Variants in SST observed in about 807,000 individuals in gnomAD.
SST encodes somatostatin, also known as growth hormone release-inhibiting factor.
Under a neutral mutation model 10.4 loss-of-function variants are expected in SST, and 7 were observed. That is an observed-to-expected ratio of 0.67 (90% CI 0.38 to 1.26). SST has a LOEUF of 1.26. Among genes scored for constraint, SST ranks in the 50% most tolerant of loss-of-function variants. SST has a pLI of 0.02. For synonymous variants in SST, 63 were observed against 63.9 expected, an observed-to-expected ratio of 0.99 and a Z score of 0.07; for missense variants, 145 against 140.8, an observed-to-expected ratio of 1.03 and a Z score of -0.15.
At position 187,670,208 on chromosome 3, in the gene SST, G is replaced by T; in HGVS notation, c.84C>A (p.Asp28Glu). The T allele has an allele frequency of 6.3e-7, 1 of 1,595,598 alleles. No homozygotes were observed. Among genetic ancestry groups the T allele is most frequent in the Non-Finnish European group, 8.5e-7 (1 of 1,171,228 alleles). ...ALGCVTGAPS[D>E]PRLRQFLQKS... Reference sequence around the variant, plus strand: ...TCTGCAGAAACTGACGGAGTCTGGGGTCCGAGGGAGCGCCGGTGACACAGC... The same window carrying T: ...TCTGCAGAAACTGACGGAGTCTGGGTTCCGAGGGAGCGCCGGTGACACAGC... Residue 28 changes from aspartate (D) to glutamate (E), a missense_variant, in exon 1 of 2, where the codon GAC becomes GAA. Physicochemically the swap from Asp to Glu is conservative, Grantham distance 45 (BLOSUM62 2). Coordinates refer to ENST00000287641, the MANE Select transcript of SST (RefSeq NM_001048.4).
In SST at chr3:187,668,989, G is replaced by T; in HGVS notation, c.*76C>A. 3.7e-6 allele frequency: 5 copies of T among 1,359,034 alleles called. No homozygotes were observed. The highest frequency in any genetic ancestry group is 5.3e-6 in the Non-Finnish European group (5 of 951,054). The allele number at this position is 1,359,034 out of a possible 1,614,324, so 84.2% of individuals were successfully genotyped here. ...AATGCAAGGGTCTCGCTGAAGACTT[G>T]GAGGATTAGGGAAGAGAGATGGGGT... On this transcript the variant is annotated 3_prime_UTR_variant, in exon 2 of 2. Transcript: ENST00000287641.
In SST at chr3:187,670,137, C is replaced by T. The variant is rs1579766336; in HGVS notation, c.138+17G>A. ...GAGGGCTGGAGAATCCGGGAGACGT[C>T]GAGGGAGTCTCCTTACCTGCTTCCC... On this transcript the variant is annotated intron_variant, in intron 1 of 1. Transcript: ENST00000287641. The T allele has an allele frequency of 7.0e-6, 11 of 1,576,716 alleles. No individual in the cohort carries two copies. The East Asian group carries it at 2.6e-4, about 37-fold the overall frequency.
chr3:187,669,371 G>A, intron 1 of SST, 94 bp from the exon 2 acceptor site: 1 of 1,250,832 alleles, frequency 8.0e-7, no homozygotes, highest in Non-Finnish European at 1.1e-6. Context: ...AACAGATTTG[G>A]TCACACACAA....
chr3:187,668,951 G>C lies in SST; in HGVS notation c.*114C>G. 1.1e-6 allele frequency: 1 copy of C among 948,986 alleles called. No homozygotes were observed. The highest frequency in any genetic ancestry group is 1.6e-6 in the Non-Finnish European group (1 of 606,224). The allele number at this position is 948,986 out of a possible 1,614,324, so 58.8% of individuals were successfully genotyped here. Reference sequence around the variant, plus strand: ...ACCATAATTTTATTTTGTATTTACAGTTTTCAGTTTCTAATGCAAGGGTCT... The same window carrying C: ...ACCATAATTTTATTTTGTATTTACACTTTTCAGTTTCTAATGCAAGGGTCT... On this transcript the variant is annotated 3_prime_UTR_variant, in exon 2 of 2. Coordinates refer to ENST00000287641, the MANE Select transcript of SST (RefSeq NM_001048.4).
At chr3:187,669,866 A>AT (rs1314969675) in intron 1 of SST, among the ~76,000 whole-genome samples, 14 of 152,266 alleles carry the variant, frequency 9.2e-5, no homozygotes, top group African/African-American at 3.4e-4. Context: ...GATAGACGCC[A>AT]TTGTCGCTTC....
intron 1 of SST, among the ~76,000 whole-genome samples, chr3:187,669,529 A>AAC (rs57361717): frequency 0.15 from 21,563 of 147,198 alleles, 1,892 homozygotes; most frequent in African/African-American, 0.25. Flanking sequence ...CTGTAGACTT[A>AAC]ACACACACAC....
chr3:187,669,271 C>T lies in SST; in HGVS notation c.145G>A (p.Ala49Thr). The T allele has an allele frequency of 6.2e-7, 1 of 1,612,972 alleles. No individual in the cohort carries two copies. Among genetic ancestry groups the T allele is most frequent in the Non-Finnish European group, 8.5e-7 (1 of 1,179,878 alleles). ...LAAAAGKQEL[A>T]KYFLAELLSE... ...AGCAGCTCTGCCAAGAAGTACTTGGCCAGTTCCTGTATAGGGCAGAAGGGA... is the reference window on the plus strand; with the variant it reads ...AGCAGCTCTGCCAAGAAGTACTTGGTCAGTTCCTGTATAGGGCAGAAGGGA... Residue 49 changes from alanine to threonine, a missense_variant, in exon 2 of 2, where the codon GCC becomes ACC. Coordinates refer to ENST00000287641, the MANE Select transcript of SST (RefSeq NM_001048.4).
Position 187,669,234 on chromosome 3 carries a change from T to A in SST, c.182A>T (p.Asn61Ile). 6.2e-7 allele frequency: 1 copy of A among 1,613,872 alleles called. No homozygotes were observed. Among genetic ancestry groups the A allele is most frequent in the Non-Finnish European group, 8.5e-7 (1 of 1,179,984 alleles). ...YFLAELLSEP[N>I]QTENDALEPE... ...TTCCAGGGCATCATTCTCCGTCTGG[T>A]TGGGTTCAGACAGCAGCTCTGCCAA... The change falls in exon 2 of 2, where the codon AAC becomes ATC. Residue 61 changes from asparagine (N) to isoleucine (I), a missense_variant. Transcript: ENST00000287641.
intron 1 of SST, among the ~76,000 whole-genome samples, chr3:187,669,797 CA>C (rs1310219323): frequency 2.0e-5 from 3 of 152,152 alleles, no homozygotes; most frequent in Admixed American, 2.0e-4. Flanking sequence ...TAAGAGGTAG[CA>C]GCTTCAGAGG....
At chr3:187,670,004 T>C (rs1717199428) in intron 1 of SST, 150 bp downstream of exon 1, 1 of 821,310 alleles carries the variant, frequency 1.2e-6, no homozygotes, top group Non-Finnish European at 1.8e-6. Flanking sequence ...CCTTTGATAG[T>C]TTTCTCAAGA....
rs1291568665 is a variant in SST, at chr3:187,670,225, T to C, written c.67A>G (p.Thr23Ala). ...AGTCTGGGGTCCGAGGGAGCGCCGG[T>C]GACACAGCCCAGGGCCAGGACGATG... ...LSIVLALGCVTGAPSDPRLRQ... is the reference protein window; with the variant it reads ...LSIVLALGCVAGAPSDPRLRQ... Residue 23 changes from threonine to alanine, a missense_variant, in exon 1 of 2, where the codon ACC (threonine) becomes GCC (alanine). By Grantham distance (58) the Thr-to-Ala change is moderately conservative. Transcript: ENST00000287641. The C allele has an allele frequency of 1.9e-6, 3 of 1,596,172 alleles. No homozygotes were observed. Among genetic ancestry groups the C allele is most frequent in the Non-Finnish European group, 2.6e-6 (3 of 1,171,670 alleles).
At position 187,669,258 on chromosome 3, in the gene SST, A is replaced by G; in HGVS notation, c.158T>C (p.Leu53Ser). Residue 53 changes from leucine (L) to serine (S), a missense_variant, in exon 2 of 2, where the codon TTG becomes TCG. Physicochemically the swap from Leu to Ser is moderately radical, Grantham distance 145. Coordinates refer to ENST00000287641, the MANE Select transcript of SST (RefSeq NM_001048.4). ...GTTGGGTTCAGACAGCAGCTCTGCC[A>G]AGAAGTACTTGGCCAGTTCCTGTAT... Reference protein sequence around the residue: ...AGKQELAKYFLAELLSEPNQT... With the variant: ...AGKQELAKYFSAELLSEPNQT... 1 of 1,613,946 alleles carries G rather than the reference A, an allele frequency of 6.2e-7. No homozygotes were observed. Among genetic ancestry groups the G allele is most frequent in the South Asian group, 1.1e-5 (1 of 91,082 alleles).
intron 1 of SST, among the ~76,000 whole-genome samples, chr3:187,669,534 A>ACC (rs1717186805): frequency 7.2e-6 from 1 of 138,538 alleles, no homozygotes; most frequent in African/African-American, 2.9e-5. Context: ...GACTTAACAC[A>ACC]CACACACACA....
At position 187,669,052 on chromosome 3, in the gene SST, C is replaced by T; in HGVS notation, c.*13G>A. ...GATCAGAGGTCTGATATGGACAATA[C>T]TAGTTAAGAAAGCTAACAGGATGTG... On this transcript the variant is annotated 3_prime_UTR_variant, in exon 2 of 2. Coordinates refer to ENST00000287641, the MANE Select transcript of SST (RefSeq NM_001048.4). 2 of 1,613,570 alleles carry T rather than the reference C, an allele frequency of 1.2e-6. No individual in the cohort carries two copies. Among genetic ancestry groups the T allele is most frequent in the Non-Finnish European group, 1.7e-6 (2 of 1,179,804 alleles).
At chr3:187,669,393 T>C (rs868696143) in intron 1 of SST, 116 bp from the exon 2 acceptor site, 2 of 919,676 alleles carry the variant, frequency 2.2e-6, no homozygotes, top group Non-Finnish European at 3.3e-6. Flanking sequence ...ATCCAGTTTT[T>C]ACAGCTGCGC....
Position 187,670,257 on chromosome 3 carries a change from G to T in SST, c.35C>A (p.Ala12Glu). 1 of 1,592,880 alleles carries T rather than the reference G, an allele frequency of 6.3e-7. No homozygotes were observed. The highest frequency in any genetic ancestry group is 8.5e-7 in the Non-Finnish European group (1 of 1,169,758). The part of the protein sequence containing the change: ...LSCRLQCALA[A>E]LSIVLALGCV... Reference sequence around the variant, plus strand: ...GCCCAGGGCCAGGACGATGGACAGCGCAGCCAGCGCGCACTGGAGGCGGCA... The same window carrying T: ...GCCCAGGGCCAGGACGATGGACAGCTCAGCCAGCGCGCACTGGAGGCGGCA... The change falls in exon 1 of 2, where the codon GCG becomes GAG. Residue 12 changes from alanine to glutamate, a missense_variant. Ala to Glu is a moderately radical substitution (Grantham distance 107, BLOSUM62 -1). Transcript: ENST00000287641.
rs1325698850 is a variant in SST at position 187,670,198 on chromosome 3, G to C, written c.94C>G (p.Arg32Gly). Residue 32 changes from arginine to glycine, a missense_variant, in exon 1 of 2, where the codon CGT becomes GGT. Coordinates refer to ENST00000287641, the MANE Select transcript of SST (RefSeq NM_001048.4). ...VTGAPSDPRLRQFLQKSLAAA... is the reference protein window; with the variant it reads ...VTGAPSDPRLGQFLQKSLAAA... ...GCCAGGGACTTCTGCAGAAACTGAC[G>C]GAGTCTGGGGTCCGAGGGAGCGCCG... 1.3e-6 allele frequency: 2 copies of C among 1,594,984 alleles called. No individual in the cohort carries two copies. Among genetic ancestry groups the C allele is most frequent in the Admixed American group, 3.5e-5 (2 of 57,170 alleles).
intron 1 of SST, among the ~76,000 whole-genome samples, 196 bp downstream of exon 1, chr3:187,669,958 T>C (rs1426977044): frequency 6.6e-6 from 1 of 152,078 alleles, no homozygotes; most frequent in Non-Finnish European, 1.5e-5. Flanking sequence ...ACTGCGCTTA[T>C]CATGGGGGAA....
chr3:187,669,023 G>C lies in SST; in HGVS notation c.*42C>G. On this transcript the variant is annotated 3_prime_UTR_variant, in exon 2 of 2. Coordinates refer to ENST00000287641, the MANE Select transcript of SST (RefSeq NM_001048.4). The stretch of plus-strand genomic sequence containing the variant: ...GGGAAGAGAGATGGGGTGTGGGGGC[G>C]AGGGATCAGAGGTCTGATATGGACA... 2 of 1,584,764 alleles carry C rather than the reference G, an allele frequency of 1.3e-6. No homozygotes were observed. Among genetic ancestry groups the C allele is most frequent in the East Asian group, 2.2e-5 (1 of 44,652 alleles).
Sources: allele counts gnomAD v4.1 joint callset (sites outside exome capture counted in the v4.1 genomes callset), GRCh38; gene constraint gnomAD v4.1.1; transcripts MANE v1.5; gene names NCBI Gene and HGNC (gene_info 2026-07-23, HGNC 2026-07-21).